The following BTD variants were observed in gnomAD, a reference collection of about 807,000 sequenced individuals.
BTD encodes biotinidase, also known as biocytinase.
A neutral mutation model predicts 17.7 loss-of-function variants in BTD; 13 were observed. The ratio of observed to expected loss-of-function variants is 0.74; its 90% CI spans 0.48 to 1.17. BTD has a LOEUF of 1.17. Among genes scored for constraint, BTD ranks in the 50% most tolerant of loss-of-function variants. The pLI is 0.00. For synonymous variants in BTD, 240 were observed against 245.2 expected, an observed-to-expected ratio of 0.98 and a Z score of 0.20; for missense variants, 674 against 650.4, an observed-to-expected ratio of 1.04 and a Z score of -0.39.
chr3:15,681,197 TA>T (rs2067504941), intron 3 of BTD, among the ~76,000 whole-genome samples: 2 of 152,226 alleles, frequency 1.3e-5, no homozygotes, highest in Non-Finnish European at 2.9e-5. Flanking sequence ...CTAGATTACT[TA>T]CAACTTAATT....
intron 3 of BTD, among the ~76,000 whole-genome samples, chr3:15,672,704 G>A (rs1399292640): frequency 2.0e-5 from 3 of 152,206 alleles, no homozygotes; most frequent in Non-Finnish European, 4.4e-5. Flanking sequence ...ATGAGAGCGG[G>A]AGTGGGGAAA....
At chr3:15,702,497 T>TAA (rs1454885345) in intron 3 of BTD, among the ~76,000 whole-genome samples, 2 of 152,232 alleles carry the variant, frequency 1.3e-5, no homozygotes, top group Non-Finnish European at 2.9e-5. Flanking sequence ...AAAAAATATT[T>TAA]AAGGCTAAAC....
At chr3:15,638,995 T>C (rs962961441) in intron 2 of BTD, among the ~76,000 whole-genome samples, 5 of 152,218 alleles carry the variant, frequency 3.3e-5, no homozygotes, top group Admixed American at 6.5e-5. Flanking sequence ...TATATTTCTG[T>C]CTCAGTAGGG....
In BTD at chr3:15,684,733, A is replaced by G. The variant is rs539202148; in HGVS notation, c.400-25327A>G. The G allele has an allele frequency of 6.4e-5, 10 of 155,660 alleles. No homozygotes were observed. The East Asian group carries it at 1.9e-3, about 30-fold the overall frequency. The allele number at this position is 155,660 out of a possible 1,614,324, so 9.6% of individuals were successfully genotyped here. On this transcript the variant is annotated intron_variant, in intron 3 of 3. Transcript: ENST00000672141. ...GGACTCTTAAAAAAAAAAAAATAGT[A>G]AAAGAACACAATCAAAATACAAGCA...
downstream of BTD, among the ~76,000 whole-genome samples, chr3:15,653,745 G>A (rs1198940689): frequency 6.6e-6 from 1 of 152,130 alleles, no homozygotes; most frequent in Admixed American, 6.5e-5. Flanking sequence ...ATAACTTTGG[G>A]GGTGTTCTAA....
At chr3:15,695,054 A>C in intron 3 of BTD, 1 of 803,198 alleles carries the variant, frequency 1.2e-6, no homozygotes, top group Non-Finnish European at 2.1e-6. Flanking sequence ...CTCTGTACAC[A>C]TGATTTCTGT....
intron 2 of BTD, among the ~76,000 whole-genome samples, chr3:15,637,285 A>G (rs1039269757): frequency 3.9e-5 from 6 of 152,092 alleles, no homozygotes; most frequent in Non-Finnish European, 7.4e-5. Context: ...TAATAAGGGC[A>G]GGGTAGAGAA....
In BTD at chr3:15,648,693, C is replaced by T. The variant is rs1425802092; in HGVS notation, c.*3205C>T. ...TCCCCAAAAAAGATACGTTGTAGTC[C>T]TAACCCCCAATAGCTCAGAATGTGG... On this transcript the variant is annotated 3_prime_UTR_variant, in exon 4 of 4. Coordinates refer to ENST00000643237, the MANE Select transcript of BTD (RefSeq NM_001370658.1). 6.6e-6 allele frequency among the ~76,000 whole-genome samples: 1 copy of T among 152,194 alleles called. No homozygotes were observed. Among genetic ancestry groups the T allele is most frequent in the Non-Finnish European group, 1.5e-5 (1 of 68,036 alleles).
intron 1 of BTD, among the ~76,000 whole-genome samples, chr3:15,634,907 C>A (rs2125450525): frequency 6.6e-6 from 1 of 152,238 alleles, no homozygotes; most frequent in African/African-American, 2.4e-5. Context: ...TATTACTAAC[C>A]AAAGAAATGC....
chr3:15,709,750 A>G, intron 3 of BTD: 1 of 1,530,766 alleles, frequency 6.5e-7, no homozygotes, highest in South Asian at 1.2e-5. Context: ...TTGAGAGAAA[A>G]TACAGTTAGA....
At chr3:15,719,155 G>A (rs1255115150) in intron 4 of BTD, among the ~76,000 whole-genome samples, 1 of 152,156 alleles carries the variant, frequency 6.6e-6, no homozygotes, top group Non-Finnish European at 1.5e-5. Flanking sequence ...TTCCTTGGGT[G>A]TAGTATGTAT....
At chr3:15,636,193 CCT>C in intron 2 of BTD, among the ~76,000 whole-genome samples, 1 of 152,304 alleles carries the variant, frequency 6.6e-6, no homozygotes, top group Non-Finnish European at 1.5e-5. Flanking sequence ...GGCGTGATGA[CCT>C]CTCTGAGTCA....
chr3:15,648,166 C>CGAT lies in BTD; in HGVS notation c.*2680_*2682dup, dbSNP rs1559603488. 6.6e-6 allele frequency among the ~76,000 whole-genome samples: 1 copy of CGAT among 152,200 alleles called. No individual in the cohort carries two copies. The highest frequency in any genetic ancestry group is 1.5e-5 in the Non-Finnish European group (1 of 68,038). On this transcript the variant is annotated 3_prime_UTR_variant, in exon 4 of 4. Transcript: ENST00000643237. ...CACAGAAGATCTCCTCAGAGAGGAC[C>CGAT]GATGGTGAGTCGGCCGCTCTTGATT...
chr3:15,651,647 T>A lies in BTD; in HGVS notation c.*6159T>A, dbSNP rs1445781076. On this transcript the variant is annotated 3_prime_UTR_variant, in exon 4 of 4. Coordinates refer to ENST00000643237, the MANE Select transcript of BTD (RefSeq NM_001370658.1). ...TCTCTTCTCCGCTCCTGACTCCTGC[T>A]GCGGCCTCCCACTGGCTGGACCCAA... Among the ~76,000 whole-genome samples the A allele has an allele frequency of 1.3e-5, 2 of 152,212 alleles. No homozygotes were observed. Among genetic ancestry groups the A allele is most frequent in the African/African-American group, 4.8e-5 (2 of 41,454 alleles).
chr3:15,682,087 A>AATATG (rs1441710242), intron 3 of BTD, among the ~76,000 whole-genome samples: 2 of 152,196 alleles, frequency 1.3e-5, no homozygotes, highest in African/African-American at 4.8e-5. Context: ...ACGCAAAAAA[A>AATATG]ATATGAATAA....
intron 3 of BTD, among the ~76,000 whole-genome samples, chr3:15,704,880 C>T (rs1393034734): frequency 1.3e-5 from 2 of 152,172 alleles, no homozygotes; most frequent in African/African-American, 4.8e-5. Flanking sequence ...TCGACAGGCT[C>T]TCTGGGATTT....
chr3:15,679,449 A>C (rs981814628), intron 3 of BTD: 2 of 1,613,622 alleles, frequency 1.2e-6, no homozygotes, highest in Non-Finnish European at 1.7e-6. Flanking sequence ...ACTCAAACCA[A>C]ATCTGATTCA....
At chr3:15,679,602 G>C in intron 3 of BTD, 1 of 1,520,556 alleles carries the variant, frequency 6.6e-7, no homozygotes, top group African/African-American at 1.4e-5. Flanking sequence ...AAATTCAAAG[G>C]AGATACTGGC....
intron 1 of BTD, among the ~76,000 whole-genome samples, chr3:15,605,029 C>G (rs1159639932): frequency 6.6e-6 from 1 of 152,208 alleles, no homozygotes; most frequent in Non-Finnish European, 1.5e-5. Flanking sequence ...CCAAACTGTT[C>G]CAACTTCTGC....
Sources: allele counts gnomAD v4.1 joint callset (sites outside exome capture counted in the v4.1 genomes callset), GRCh38; gene constraint gnomAD v4.1.1; transcripts MANE v1.5; gene names NCBI Gene and HGNC (gene_info 2026-07-23, HGNC 2026-07-21).